The following POLQ variants were observed in gnomAD, a reference collection of about 807,000 sequenced individuals.
POLQ encodes the protein DNA polymerase theta, also known as epididymis secretory sperm binding protein.
Under a neutral mutation model 259.2 loss-of-function variants are expected in POLQ, and 233 were observed. The ratio of observed to expected loss-of-function variants is 0.90; its 90% CI spans 0.81 to 1.00. The LOEUF is 1.00. POLQ is among the 50% of genes least tolerant of loss of function. The pLI is 0.00. For synonymous variants in POLQ, 1,025 were observed against 1,048.8 expected (o/e 0.98, Z 0.44); for missense variants, 2,871 against 3,051.6 (o/e 0.94, Z 1.39).
chr3:121,479,874 A>T (rs1343295432), intron 19 of POLQ, among the ~76,000 whole-genome samples: 2 of 152,238 alleles, frequency 1.3e-5, no homozygotes, highest in Non-Finnish European at 1.5e-5. Flanking sequence ...AAGAAAACAG[A>T]TAATATAGAT....
intron 27 of POLQ, among the ~76,000 whole-genome samples, chr3:121,436,670 G>C (rs1281385677): frequency 6.6e-6 from 1 of 151,934 alleles, no homozygotes; most frequent in South Asian, 2.1e-4. Context: ...TCTTTGGGAG[G>C]GGGGTTGGAA....
intron 16 of POLQ, among the ~76,000 whole-genome samples, chr3:121,486,898 AG>A: frequency 7.6e-6 from 1 of 131,330 alleles, no homozygotes; most frequent in African/African-American, 3.5e-5. Context: ...AGAGACAGAG[AG>A]AGAGAGAGAG....
In POLQ at chr3:121,539,539, G is replaced by A. The variant is rs748083635; in HGVS notation, c.525C>T (p.Thr175=). 6.2e-7 allele frequency: 1 copy of A among 1,612,232 alleles called. No homozygotes were observed. Among genetic ancestry groups the A allele is most frequent in the South Asian group, 1.1e-5 (1 of 91,016 alleles). The change falls in exon 4 of 30, where the codon ACC becomes ACT. Residue 175 remains threonine, a synonymous_variant. Transcript: ENST00000264233. ...GIKVDGYMGS[T]SPSRHFSSLD... ...ATGAAGAGAAATGCCTTGATGGAGA[G>A]GTGCTGCCCATATAACCGTCTACTT...
chr3:121,539,285 C>T (rs1392502364), intron 4 of POLQ, 148 bp downstream of exon 4: 1 of 624,198 alleles, frequency 1.6e-6, no homozygotes, highest in Non-Finnish European at 2.7e-6. Context: ...ACACAGCGTT[C>T]CTAACATTAC....
At chr3:121,434,862 A>G (rs1294154311) in intron 28 of POLQ, among the ~76,000 whole-genome samples, 1 of 152,072 alleles carries the variant, frequency 6.6e-6, no homozygotes, top group Non-Finnish European at 1.5e-5. Context: ...AATTTAAAAC[A>G]TGCCTCCTGG....
chr3:121,479,361 A>AGTGTGT (rs1560094485), intron 19 of POLQ, among the ~76,000 whole-genome samples: 1 of 71,712 alleles, frequency 1.4e-5, no homozygotes, highest in Non-Finnish European at 2.9e-5. Context: ...AAAAAAAAAA[A>AGTGTGT]ATGTGTGTGT....
Position 121,537,149 on chromosome 3 carries a change from C to A in POLQ, c.691G>T (p.Glu231Ter), listed in dbSNP as rs1211473661. 2.5e-6 allele frequency: 4 copies of A among 1,607,120 alleles called. No individual in the cohort carries two copies. Among genetic ancestry groups the A allele is most frequent in the Non-Finnish European group, 3.4e-6 (4 of 1,173,944 alleles). The part of the protein sequence containing the change: ...LGDSHRGYLL[E>*]LLLTKICYIT... Reference sequence around the variant, plus strand: ...TAGCAAATCTTGGTCAGCAAAAGTTCCAGCAGATACCCTCGGTGAGAGTCT... The same window carrying A: ...TAGCAAATCTTGGTCAGCAAAAGTTACAGCAGATACCCTCGGTGAGAGTCT... Residue 231 changes from glutamate (E) to a stop codon, truncating the protein, a stop_gained, in exon 5 of 30, where the codon GAA becomes TAA. Coordinates refer to ENST00000264233, the MANE Select transcript of POLQ (RefSeq NM_199420.4). LOFTEE classifies it high-confidence loss of function.
chr3:121,540,049 T>TCAA (rs2048479675), intron 3 of POLQ, among the ~76,000 whole-genome samples: 1 of 152,014 alleles, frequency 6.6e-6, no homozygotes, highest in Non-Finnish European at 1.5e-5. Context: ...CAGTGGGACT[T>TCAA]TAATAATAAT....
intron 8 of POLQ, 168 bp downstream of exon 8, chr3:121,521,835 T>C (rs1323413128): frequency 1.2e-5 from 5 of 412,750 alleles, no homozygotes; most frequent in African/African-American, 2.1e-5. Flanking sequence ...CCTCCCAAAG[T>C]GCTGGGATTA....
rs369501459 is a variant in POLQ, at chr3:121,522,137, G to A, written c.1121C>T (p.Pro374Leu). Reference sequence around the variant, plus strand: ...CAGAATTACTGGTGGGCATTCAGAGGGTTTCACCAATCCTGTCACAAAAAA... The same window carrying A: ...CAGAATTACTGGTGGGCATTCAGAGAGTTTCACCAATCCTGTCACAAAAAA... ...LHHQAEGLVKPSECPPVILEQ... is the reference protein window; with the variant it reads ...LHHQAEGLVKLSECPPVILEQ... The change falls in exon 8 of 30, where the codon CCC becomes CTC. Residue 374 changes from proline (P) to leucine (L), a missense_variant. Transcript: ENST00000264233. 7.5e-6 allele frequency: 12 copies of A among 1,598,136 alleles called. No homozygotes were observed. The highest frequency in any genetic ancestry group is 1.0e-5 in the Non-Finnish European group (12 of 1,175,762).
At chr3:121,518,944 G>A (rs111328376) in intron 9 of POLQ, among the ~76,000 whole-genome samples, 2,154 of 152,094 alleles carry the variant, frequency 0.014, 46 homozygotes, top group African/African-American at 0.048. Flanking sequence ...ATTTGCTGCC[G>A]TTTTGACATT....
At position 121,493,724 on chromosome 3, in the gene POLQ, A is replaced by G. The variant is rs1282075660; in HGVS notation, c.2279-3T>C. ...GTTGGAAAATACTGTAATCATCCCT[A>G]GAACATTCATAGAATATTTGTTGAA... On this transcript the variant is annotated splice_region_variant and splice_polypyrimidine_tract_variant and intron_variant, in intron 14 of 29. Coordinates refer to ENST00000264233, the MANE Select transcript of POLQ (RefSeq NM_199420.4). 3 of 1,607,218 alleles carry G rather than the reference A, an allele frequency of 1.9e-6. No homozygotes were observed. Among genetic ancestry groups the G allele is most frequent in the Non-Finnish European group, 8.5e-7 (1 of 1,175,188 alleles).
intron 14 of POLQ, chr3:121,494,341 T>G: frequency 6.3e-7 from 1 of 1,598,060 alleles, no homozygotes; most frequent in Non-Finnish European, 8.5e-7. Flanking sequence ...AAGTGCCTCC[T>G]GCGATTAACC....
intron 12 of POLQ, among the ~76,000 whole-genome samples, chr3:121,506,006 G>A (rs1159739155): frequency 7.8e-6 from 1 of 127,592 alleles, no homozygotes; most frequent in Non-Finnish European, 1.6e-5. Flanking sequence ...TGGGTGACAA[G>A]AGCGAAACTC....
chr3:121,453,886 C>A (rs1396798621), intron 25 of POLQ, among the ~76,000 whole-genome samples: 3 of 152,144 alleles, frequency 2.0e-5, no homozygotes, highest in Admixed American at 6.5e-5. Flanking sequence ...GAGAACGCCA[C>A]AAAGATACTC....
chr3:121,505,202 CT>C (rs2048199626), intron 12 of POLQ, among the ~76,000 whole-genome samples: 1 of 152,228 alleles, frequency 6.6e-6, no homozygotes, highest in Admixed American at 6.5e-5. Context: ...GATGTGCCTG[CT>C]TCCCCTTCAC....
chr3:121,519,922 T>G lies in POLQ; in HGVS notation c.1417A>C (p.Thr473Pro), dbSNP rs749227487. 4 of 1,610,738 alleles carry G rather than the reference T, an allele frequency of 2.5e-6. No individual in the cohort carries two copies. In the African/African-American group the frequency reaches 5.3e-5, roughly 22 times the overall value. ...GCACGGCCAACCATCTGCTTATAAG[T>G]AAGAATATCTAGAGGTCGACCACCA... Reference protein sequence around the residue: ...IFGGRPLDILTYKQMVGRAGR... With the variant: ...IFGGRPLDILPYKQMVGRAGR... Residue 473 changes from threonine (T) to proline (P), a missense_variant, in exon 9 of 30, where the codon ACT (threonine) becomes CCT (proline). This residue lies in a region of POLQ where 783 missense variants were observed against 906.2 expected (regional missense o/e 0.86). Coordinates refer to ENST00000264233, the MANE Select transcript of POLQ (RefSeq NM_199420.4).
chr3:121,542,403 A>G (rs1373484242), intron 2 of POLQ, among the ~76,000 whole-genome samples: 2 of 152,160 alleles, frequency 1.3e-5, no homozygotes, highest in African/African-American at 4.8e-5. Flanking sequence ...AAAAGAAAAA[A>G]GAAAGGAAGA....
At chr3:121,466,558 C>T (rs1171320769) in intron 24 of POLQ, among the ~76,000 whole-genome samples, 1 of 151,764 alleles carries the variant, frequency 6.6e-6, no homozygotes, top group Admixed American at 6.6e-5. Flanking sequence ...GGCATGGTGG[C>T]CCATGCTTGT....
Sources: allele counts gnomAD v4.1 joint callset (sites outside exome capture counted in the v4.1 genomes callset), GRCh38; gene constraint gnomAD v4.1.1; regional missense constraint gnomAD v4.1.1; transcripts MANE v1.5; gene names NCBI Gene and HGNC (gene_info 2026-07-23, HGNC 2026-07-21).